Variants in ABRAXAS1 observed in about 807,000 individuals in gnomAD.
The protein encoded by ABRAXAS1 is BRCA1-A complex subunit Abraxas 1.
ABRAXAS1 carries 26 observed loss-of-function variants against 38.4 expected under a neutral mutation model. The observed-to-expected ratio is 0.68, with a 90% CI of 0.50 to 0.94. The LOEUF is 0.94. Ranked by LOEUF, ABRAXAS1 falls within the 40% of genes least tolerant of loss-of-function variation. The probability of loss-of-function intolerance (pLI) is 0.00; values close to 1 mark genes in which losing one functional copy is unlikely to be tolerated. For missense variants in ABRAXAS1, 438 were observed against 481.9 expected (o/e 0.91, Z 0.85); for synonymous variants, 144 against 165.5 (o/e 0.87, Z 1.00).
chr4:83,481,890 C>T (rs1018932250), intron 2 of ABRAXAS1, among the ~76,000 whole-genome samples: 4 of 152,086 alleles, frequency 2.6e-5, no homozygotes, highest in Non-Finnish European at 5.9e-5. Flanking sequence ...ACTGGGATTA[C>T]AGACATGCAC....
intron 5 of ABRAXAS1, chr4:83,469,825 T>A (rs750513025): frequency 6.2e-6 from 1 of 160,548 alleles, no homozygotes; most frequent in Non-Finnish European, 1.4e-5. Flanking sequence ...CTCATTTTAC[T>A]GGACCATCAA....
intron 1 of ABRAXAS1, among the ~76,000 whole-genome samples, chr4:83,483,277 CTTT>C (rs745707908): frequency 8.1e-5 from 11 of 136,448 alleles, no homozygotes; most frequent in Admixed American, 1.5e-4. Flanking sequence ...GATTTTATAT[CTTT>C]TTTTTTTTTT....
rs774960680 is a variant in ABRAXAS1 at position 83,462,563 on chromosome 4, T to TGGTTACTG, written c.1135_1136insCAGTAACC (p.Gln379ProfsTer10). 6 of 1,614,182 alleles carry TGGTTACTG rather than the reference T, an allele frequency of 3.7e-6. No homozygotes were observed. The highest frequency in any genetic ancestry group is 5.1e-6 in the Non-Finnish European group (6 of 1,180,022). ...GCTGCTCATTTTGGATGCTTTATCT[T>TGGTTACTG]GGTTACTACTACCAGTATCTGCTTT... On this transcript the variant is annotated frameshift_variant, in exon 9 of 9. Coordinates refer to ENST00000321945, the MANE Select transcript of ABRAXAS1 (RefSeq NM_139076.3). LOFTEE classifies it low-confidence loss of function (END_TRUNC).
At chr4:83,477,156 A>T (rs1234014830) in intron 2 of ABRAXAS1, among the ~76,000 whole-genome samples, 1 of 152,184 alleles carries the variant, frequency 6.6e-6, no homozygotes, top group Non-Finnish European at 1.5e-5. Flanking sequence ...ATCTGTGATA[A>T]TCCAACATTT....
intron 1 of ABRAXAS1, chr4:83,484,205 C>T (rs927470896): frequency 2.0e-6 from 2 of 985,060 alleles, no homozygotes; most frequent in African/African-American, 3.5e-5. Context: ...GACGTTATAT[C>T]TTAAAATGAA....
intron 4 of ABRAXAS1, 51 bp downstream of exon 4, chr4:83,472,171 C>A: frequency 8.1e-7 from 1 of 1,234,136 alleles, no homozygotes; most frequent in South Asian, 1.5e-5. Flanking sequence ...TTTTAAGAAC[C>A]AAAAACAATG....
At chr4:83,484,021 A>G in intron 1 of ABRAXAS1, 5 of 983,448 alleles carry the variant, frequency 5.1e-6, no homozygotes, top group Non-Finnish European at 6.0e-6. Flanking sequence ...GATTGTGCCA[A>G]AGAGCAATTT....
chr4:83,465,299 C>CAAAAAAAAAAAAAA (rs35072866), intron 7 of ABRAXAS1, among the ~76,000 whole-genome samples: 11 of 88,194 alleles, frequency 1.2e-4, no homozygotes, highest in South Asian at 4.6e-4. Context: ...GACTCTGTCT[C>CAAAAAAAAAAAAAA]AAAAAAAAAA....
At position 83,482,138 on chromosome 4, in the gene ABRAXAS1, G is replaced by T. The variant is rs1723018673; in HGVS notation, c.178+16C>A. ...AGACACAGATGATTCAAATATAGGA[G>T]AAATAAATAACTCACCAATTGTATA... On this transcript the variant is annotated intron_variant, in intron 2 of 8. Coordinates refer to ENST00000321945, the MANE Select transcript of ABRAXAS1 (RefSeq NM_139076.3). 1.3e-6 allele frequency: 2 copies of T among 1,495,826 alleles called. No homozygotes were observed. Among genetic ancestry groups the T allele is most frequent in the Non-Finnish European group, 1.9e-6 (2 of 1,080,630 alleles). The allele number at this position is 1,495,826 out of a possible 1,614,324, so 92.7% of individuals were successfully genotyped here.
At chr4:83,484,785 A>G in intron 1 of ABRAXAS1, 1 of 447,654 alleles carries the variant, frequency 2.2e-6, no homozygotes, top group East Asian at 3.6e-5. Flanking sequence ...TAGCAGAGGG[A>G]GGGCTAATGC....
At chr4:83,474,708 G>A in intron 3 of ABRAXAS1, among the ~76,000 whole-genome samples, 1 of 136,882 alleles carries the variant, frequency 7.3e-6, no homozygotes, top group African/African-American at 2.8e-5. Context: ...GCAAGACTCT[G>A]TCTCAAAAAA....
At position 83,462,751 on chromosome 4, in the gene ABRAXAS1, A is replaced by C; in HGVS notation, c.948T>G (p.His316Gln). The C allele has an allele frequency of 1.1e-5, 17 of 1,613,980 alleles. No homozygotes were observed. The highest frequency in any genetic ancestry group is 1.4e-5 in the Non-Finnish European group (17 of 1,179,990). The change falls in exon 9 of 9, where the codon CAT (histidine) becomes CAG (glutamine). Residue 316 changes from histidine (H) to glutamine (Q), a missense_variant. By Grantham distance (24) the His-to-Gln change is conservative (BLOSUM62 0). Around this residue, in one of 3 missense-constraint regions of ABRAXAS1, gnomAD observed 184 missense variants for 181.9 expected, o/e 1.01. Transcript: ENST00000321945. ...VSKSSCNYNH[H>Q]LDVVDNLTLM... ...AGGTCAGATTGTCTACTACATCGAG[A>C]TGGTGGTTGTAGTTACAGCTACTTT...
At position 83,467,324 on chromosome 4, in the gene ABRAXAS1, T is replaced by C. The variant is rs542054218; in HGVS notation, c.681+130A>G. On this transcript the variant is annotated intron_variant, in intron 7 of 8. Transcript: ENST00000321945. ...AATGACACATTTCTCAGAAGGTACA[T>C]AGCCTTCATTAAGCAACTCATAACT... The C allele has an allele frequency of 2.5e-4, 158 of 620,748 alleles. No individual in the cohort carries two copies. In the African/African-American group the frequency reaches 2.6e-3, roughly 10 times the overall value. The allele number at this position is 620,748 out of a possible 1,614,324, so 38.5% of individuals were successfully genotyped here.
Position 83,482,328 on chromosome 4 carries a change from T to G in ABRAXAS1, c.88-84A>C, listed in dbSNP as rs1723026329. 5 of 784,080 alleles carry G rather than the reference T, an allele frequency of 6.4e-6. No individual in the cohort carries two copies. The South Asian group carries it at 6.6e-5, about 10-fold the overall frequency. The allele number at this position is 784,080 out of a possible 1,614,324, so 48.6% of individuals were successfully genotyped here. A position where few individuals can be genotyped will look rare whatever the true frequency, so the allele number is the denominator to read the frequency against. On this transcript the variant is annotated intron_variant, in intron 1 of 8. Coordinates refer to ENST00000321945, the MANE Select transcript of ABRAXAS1 (RefSeq NM_139076.3). ...TAACCGTATTTCCTGAGTATTTTAC[T>G]ATGTATACAATATGTGCTACCAGTC...
chr4:83,484,277 G>A (rs1166101934), intron 1 of ABRAXAS1: 7 of 887,744 alleles, frequency 7.9e-6, no homozygotes, highest in Non-Finnish European at 9.4e-6. Flanking sequence ...CACACAGCAG[G>A]GAAGTGTATT....
rs942372501 is a variant in ABRAXAS1 at position 83,469,599 on chromosome 4, A to G, written c.477-448T>C. 7 of 174,780 alleles carry G rather than the reference A, an allele frequency of 4.0e-5. 1 individual carries two copies. The highest frequency in any genetic ancestry group is 5.7e-3 in the Middle Eastern group (2 of 352). The allele number at this position is 174,780 out of a possible 1,614,324, so 10.8% of individuals were successfully genotyped here. On this transcript the variant is annotated intron_variant, in intron 5 of 8. Transcript: ENST00000321945. ...AGTCACCACACTGGGCCCAGATGACATGTAAAGCTGTGAAATGTGCTTAGT... is the reference window on the plus strand; with the variant it reads ...AGTCACCACACTGGGCCCAGATGACGTGTAAAGCTGTGAAATGTGCTTAGT...
In ABRAXAS1 at chr4:83,469,032, C is replaced by T. The variant is rs1060503253; in HGVS notation, c.596G>A (p.Ser199Asn). 17 of 1,610,532 alleles carry T rather than the reference C, an allele frequency of 1.1e-5. No homozygotes were observed. Among genetic ancestry groups the T allele is most frequent in the Non-Finnish European group, 1.4e-5 (17 of 1,179,228 alleles). ...TTGTGAGAAAGCAGTTGAATCTTAC[C>T]TGTGTGTTTGTACTGCTCGGCTAAA... ...TGFSRAVQTH[S>N]SKFFEEDGSL... The change falls in exon 6 of 9, where the codon AGC becomes AAC. Residue 199 changes from serine (S) to asparagine (N), a missense_variant and splice_region_variant. Ser to Asn is a conservative substitution (Grantham distance 46). Around this residue, in one of 3 missense-constraint regions of ABRAXAS1, gnomAD observed 194 missense variants for 269.0 expected, o/e 0.72. Coordinates refer to ENST00000321945, the MANE Select transcript of ABRAXAS1 (RefSeq NM_139076.3).
At position 83,482,314 on chromosome 4, in the gene ABRAXAS1, CCTGAGTATTTT is replaced by C. The variant is rs1723026045; in HGVS notation, c.88-81_88-71del. Reference sequence around the variant, plus strand: ...ACTGTTCACTTAACTAACCGTATTTCCTGAGTATTTTACTATGTATACAATATGTGCTACCA... The same window carrying C: ...ACTGTTCACTTAACTAACCGTATTTCACTATGTATACAATATGTGCTACCA... On this transcript the variant is annotated intron_variant, in intron 1 of 8. Transcript: ENST00000321945. 9.3e-6 allele frequency: 9 copies of C among 967,564 alleles called. No homozygotes were observed. In the South Asian group the frequency reaches 1.3e-4, roughly 14 times the overall value. The allele number at this position is 967,564 out of a possible 1,614,324, so 59.9% of individuals were successfully genotyped here. A position where few individuals can be genotyped will look rare whatever the true frequency, so the allele number is the denominator to read the frequency against.
chr4:83,478,044 G>T, intron 2 of ABRAXAS1: 9 of 997,318 alleles, frequency 9.0e-6, no homozygotes, highest in Non-Finnish European at 1.4e-5. Context: ...CTGTGGAGGA[G>T]TGTGGTTCCA....
Sources: allele counts gnomAD v4.1 joint callset (sites outside exome capture counted in the v4.1 genomes callset), GRCh38; gene constraint gnomAD v4.1.1; regional missense constraint gnomAD v4.1.1; transcripts MANE v1.5; gene names NCBI Gene and HGNC (gene_info 2026-07-23, HGNC 2026-07-21).